The following SECISBP2 variants were observed in gnomAD, a reference collection of about 807,000 sequenced individuals.
SECISBP2 encodes the protein SECIS binding protein 2, also known as selenocysteine insertion sequence-binding protein 2.
A neutral mutation model predicts 98.2 loss-of-function variants in SECISBP2; 96 were observed. The ratio of observed to expected loss-of-function variants is 0.98; its 90% confidence interval spans 0.83 to 1.16. SECISBP2 has a LOEUF of 1.16. Among genes scored for constraint, SECISBP2 ranks in the 50% most tolerant of loss-of-function variants. The probability of loss-of-function intolerance (pLI) is 0.00; values close to 1 mark genes in which losing one functional copy is unlikely to be tolerated. For synonymous variants in SECISBP2, 407 were observed against 370.2 expected, an observed-to-expected ratio of 1.10 and a Z score of -1.14; for missense variants, 1,046 against 1,022.9, an observed-to-expected ratio of 1.02 and a Z score of -0.31.
rs751321557 is a variant in SECISBP2, at chr9:89,325,568, C to T, written c.324C>T (p.Gly108=). 9.9e-6 allele frequency: 16 copies of T among 1,614,160 alleles called. No individual in the cohort carries two copies. The highest frequency in any genetic ancestry group is 1.3e-5 in the Non-Finnish European group (15 of 1,180,014). Residue 108 remains glycine (G), a synonymous_variant, in exon 3 of 17, where the codon GGC becomes GGT. Transcript: ENST00000375807. ...CACAGAATGTTTACTCAGTGCCTGG[C>T]TCCCAGTATCTTTATAACCAACCCA... ...DSTQNVYSVP[G]SQYLYNQPSC... is the part of the protein sequence containing the mutation.
Position 89,341,376 on chromosome 9 carries a change from C to T in SECISBP2, c.1332C>T (p.Ser444=), listed in dbSNP as rs1475521420. ...QDNFKNNVKK[S]QLPVQLDLGG... ...ATTTTAAAAATAATGTAAAGAAGAG[C>T]CAGCTTCCAGTGCAGTTGGACTTGG... is the stretch of plus-strand genomic sequence containing the variant. Residue 444 remains serine (S), a synonymous_variant, in exon 10 of 17, where the codon AGC becomes AGT. Transcript: ENST00000375807. 2 of 1,613,742 alleles carry T rather than the reference C, an allele frequency of 1.2e-6. No homozygotes were observed. Among genetic ancestry groups the T allele is most frequent in the Non-Finnish European group, 1.7e-6 (2 of 1,179,770 alleles).
At position 89,328,780 on chromosome 9, in the gene SECISBP2, A is replaced by G. The variant is rs750548843; in HGVS notation, c.695A>G (p.Asn232Ser). The G allele has an allele frequency of 6.8e-6, 11 of 1,614,206 alleles. No individual in the cohort carries two copies. Among genetic ancestry groups the G allele is most frequent in the Non-Finnish European group, 7.6e-6 (9 of 1,180,004 alleles). Residue 232 changes from asparagine to serine, a missense_variant, in exon 5 of 17, where the codon AAT becomes AGT. Transcript: ENST00000375807. ...DFPELQGAEN[N>S]MSEIQKQPKW... ...CCTGAACTGCAAGGTGCAGAGAACA[A>G]TATGTCAGAGATACAGAAGCAACCC...
At chr9:89,320,012 G>T (rs897594413) in intron 2 of SECISBP2, among the ~76,000 whole-genome samples, 1 of 152,024 alleles carries the variant, frequency 6.6e-6, no homozygotes, top group Non-Finnish European at 1.5e-5. Context: ...CATACTCATT[G>T]TTATTTTCGG....
intron 1 of SECISBP2, 44 bp from the exon 2 acceptor site, chr9:89,319,608 T>G: frequency 6.2e-7 from 1 of 1,610,264 alleles, no homozygotes; most frequent in Non-Finnish European, 8.5e-7. Context: ...TATATTTGCT[T>G]GATCTCTGAA....
intron 10 of SECISBP2, among the ~76,000 whole-genome samples, chr9:89,346,042 A>T (rs1830371551): frequency 6.6e-6 from 1 of 152,198 alleles, no homozygotes; most frequent in African/African-American, 2.4e-5. Flanking sequence ...CAATTATTTT[A>T]AAAACATGTT....
At chr9:89,363,901 CT>C, downstream of SECISBP2, 1 of 1,614,108 alleles carries the variant, frequency 6.2e-7, no homozygotes, top group Non-Finnish European at 8.5e-7. Context: ...GGACACAGGT[CT>C]CCAGAGCTCG....
At chr9:89,337,683 T>C (rs1418667384) in intron 7 of SECISBP2, among the ~76,000 whole-genome samples, 1 of 152,282 alleles carries the variant, frequency 6.6e-6, no homozygotes, top group African/African-American at 2.4e-5. Context: ...CTGAGACTTT[T>C]ACTTCTGAAG....
At chr9:89,338,008 G>A (rs1829047406) in intron 7 of SECISBP2, among the ~76,000 whole-genome samples, 1 of 152,250 alleles carries the variant, frequency 6.6e-6, no homozygotes, top group Admixed American at 6.5e-5. Flanking sequence ...GAATGATGAG[G>A]TCACATTTAG....
At chr9:89,338,941 A>G (rs576401676) in intron 8 of SECISBP2, among the ~76,000 whole-genome samples, 1 of 141,776 alleles carries the variant, frequency 7.1e-6, no homozygotes, top group Non-Finnish European at 1.5e-5. Flanking sequence ...CTCCTTTTCT[A>G]TCCAGAAGTC....
At chr9:89,345,054 A>G (rs1442619495) in intron 10 of SECISBP2, among the ~76,000 whole-genome samples, 1 of 152,196 alleles carries the variant, frequency 6.6e-6, no homozygotes, top group Non-Finnish European at 1.5e-5. Context: ...ACTAGCAACA[A>G]ATTCTCATGG....
At chr9:89,330,376 G>C (rs1827542552) in intron 5 of SECISBP2, 2 of 152,216 alleles carry the variant, frequency 1.3e-5, no homozygotes, top group African/African-American at 4.8e-5. Context: ...AATGGCTTCT[G>C]ATGAATTTCC....
chr9:89,352,924 C>T (rs1831504519), intron 14 of SECISBP2, among the ~76,000 whole-genome samples: 6 of 151,862 alleles, frequency 4.0e-5, no homozygotes, highest in Admixed American at 3.9e-4. Context: ...CCCTGCAGTG[C>T]CTCTGTTTCC....
At chr9:89,348,306 C>T (rs373450305) in intron 12 of SECISBP2, 92 bp downstream of exon 12, 3 of 1,425,868 alleles carry the variant, frequency 2.1e-6, no homozygotes, top group African/African-American at 1.4e-5. Flanking sequence ...CAGGACTTGG[C>T]TGACTCCTCT....
At position 89,319,705 on chromosome 9, in the gene SECISBP2, C is replaced by G. The variant is rs771718790; in HGVS notation, c.90C>G (p.Leu30=). The G allele has an allele frequency of 6.2e-7, 1 of 1,614,050 alleles. No individual in the cohort carries two copies. Among genetic ancestry groups the G allele is most frequent in the African/African-American group, 1.3e-5 (1 of 74,946 alleles). Residue 30 remains leucine (L), a synonymous_variant, in exon 2 of 17, where the codon CTC becomes CTG. Transcript: ENST00000375807. ...VKPFVPRFAG[L]NVAWLESSEA... is the part of the protein sequence containing the mutation. ...CATTTGTCCCCAGATTTGCCGGGCT[C>G]AATGTGGCATGGTTAGAGTCCTCAG...
chr9:89,358,044 G>A lies in SECISBP2; in HGVS notation c.2314G>A (p.Ala772Thr). Residue 772 changes from alanine to threonine, a missense_variant, in exon 16 of 17, where the codon GCG becomes ACG. Coordinates refer to ENST00000375807, the MANE Select transcript of SECISBP2 (RefSeq NM_024077.5). ...TGAGCTGACAGTGGCGGCCCGACAG[G>A]CGTACAAGACCATGCTGGAGAATGT... is the stretch of plus-strand genomic sequence containing the variant. Reference protein sequence around the residue: ...MVELTVAARQAYKTMLENVQQ... With the variant: ...MVELTVAARQTYKTMLENVQQ... 1 of 1,613,706 alleles carries A rather than the reference G, an allele frequency of 6.2e-7. No individual in the cohort carries two copies. Among genetic ancestry groups the A allele is most frequent in the South Asian group, 1.1e-5 (1 of 90,988 alleles).
chr9:89,329,152 C>T, intron 5 of SECISBP2: 1 of 422,716 alleles, frequency 2.4e-6, no homozygotes, highest in South Asian at 2.2e-5. Flanking sequence ...CTCGCTCTGT[C>T]ACCAGGCTGC....
At chr9:89,364,155 TC>T (rs796430762), downstream of SECISBP2, 24 of 1,044,050 alleles carry the variant, frequency 2.3e-5, no homozygotes, top group African/African-American at 3.2e-4. Flanking sequence ...CCTGTGGACT[TC>T]CTGCTCTTTG....
intron 7 of SECISBP2, among the ~76,000 whole-genome samples, chr9:89,336,027 T>G (rs1302763236): frequency 6.6e-6 from 1 of 151,286 alleles, no homozygotes; most frequent in Non-Finnish European, 1.5e-5. Context: ...ATTTATTTAC[T>G]TGTTATAAGA....
chr9:89,360,339 TAGG>T (rs748739223), downstream of SECISBP2, among the ~76,000 whole-genome samples: 7 of 152,096 alleles, frequency 4.6e-5, no homozygotes, highest in Non-Finnish European at 8.8e-5. Flanking sequence ...AGTTTGAAAA[TAGG>T]AGATTATTTG....
Sources: gnomAD v4.1 joint callset for allele counts (sites outside exome capture counted in the v4.1 genomes callset) on GRCh38, gnomAD v4.1.1 for gene constraint, MANE v1.5 for transcripts, NCBI Gene and HGNC (gene_info 2026-07-23, HGNC 2026-07-21) for gene names.